The following DMWD variants were observed in gnomAD, a reference collection of about 807,000 sequenced individuals.
The protein encoded by DMWD is dystrophia myotonica WD repeat-containing protein.
In DMWD, 19 loss-of-function variants were observed where a neutral mutation model predicts 45.8. The ratio of observed to expected loss-of-function variants is 0.41; its 90% CI spans 0.29 to 0.61. DMWD has a LOEUF of 0.61. Among genes scored for constraint, DMWD ranks in the 20% least tolerant of loss-of-function variants. DMWD has a pLI of 0.25. For missense variants in DMWD, 802 were observed against 965.2 expected (o/e 0.83, Z 2.24); for synonymous variants, 515 against 440.5 (o/e 1.17, Z -2.12).
At position 45,783,532 on chromosome 19, in the gene DMWD, C is replaced by A; in HGVS notation, c.*711G>T. ...CCCCAAGAGGGTCCTGCTCCAGCCG[C>A]TGGTGTGGGTCACCAGTTGTGTGAC... On this transcript the variant is annotated 3_prime_UTR_variant, in exon 5 of 5. Coordinates refer to ENST00000270223, the MANE Select transcript of DMWD (RefSeq NM_004943.2). The A allele has an allele frequency of 2.5e-6, 1 of 398,652 alleles. No homozygotes were observed. Among genetic ancestry groups the A allele is most frequent in the Non-Finnish European group, 4.4e-6 (1 of 226,112 alleles). 24.7% of individuals were successfully genotyped at this position (398,652 alleles called of 1,614,324 possible). A position where few individuals can be genotyped will look rare whatever the true frequency, so the allele number is the denominator to read the frequency against.
intron 3 of DMWD, among the ~76,000 whole-genome samples, chr19:45,784,920 G>T (rs1052439353): frequency 6.6e-6 from 1 of 152,200 alleles, no homozygotes; most frequent in South Asian, 2.1e-4. Flanking sequence ...AGACACCCAA[G>T]ACGAGCTCCG....
Position 45,783,705 on chromosome 19 carries a change from TCTC to T in DMWD, c.*535_*537del, listed in dbSNP as rs1970217627. 4.7e-6 allele frequency: 2 copies of T among 426,570 alleles called. No individual in the cohort carries two copies. The highest frequency in any genetic ancestry group is 8.2e-6 in the Non-Finnish European group (2 of 244,690). The allele number at this position is 426,570 out of a possible 1,614,324, so 26.4% of individuals were successfully genotyped here. ...GTACACACACAGGTCCTCTACATCA[TCTC>T]CTCCGAAGGGGACAGACCCGCTGAG... On this transcript the variant is annotated 3_prime_UTR_variant, in exon 5 of 5. Transcript: ENST00000270223.
In DMWD at chr19:45,785,591, C is replaced by T. The variant is rs1028556794; in HGVS notation, c.1902+3G>A. On this transcript the variant is annotated splice_donor_region_variant and intron_variant, in intron 3 of 4. Transcript: ENST00000270223. ...CCCGGCAGGCTGGTGTGGGGCCACT[C>T]ACCGCCTTGCCCGGCCGGGCCCAGG... The T allele has an allele frequency of 1.4e-5, 20 of 1,480,892 alleles. No homozygotes were observed. The highest frequency in any genetic ancestry group is 1.8e-5 in the Non-Finnish European group (20 of 1,113,610). The allele number at this position is 1,480,892 out of a possible 1,614,324, so 91.7% of individuals were successfully genotyped here.
In DMWD at chr19:45,786,409, G is replaced by C; in HGVS notation, c.1087C>G (p.Arg363Gly). ...ACCCAGGACTTGTGGCCATGGCCTC[G>C]AGCCACCACGCGGCCCTCGGTGAAG... ...WSFTEGRVVA[R>G]GHGHKSWVNA... The change falls in exon 3 of 5, where the codon CGA becomes GGA. Residue 363 changes from arginine to glycine, a missense_variant. Arg to Gly is a moderately radical substitution (Grantham distance 125). This residue lies in a region of DMWD where 146 missense variants were observed against 212.8 expected (regional missense o/e 0.69). Coordinates refer to ENST00000270223, the MANE Select transcript of DMWD (RefSeq NM_004943.2). The C allele has an allele frequency of 2.5e-6, 4 of 1,613,298 alleles. No individual in the cohort carries two copies. The highest frequency in any genetic ancestry group is 3.4e-6 in the Non-Finnish European group (4 of 1,179,578).
rs187435252 is a variant in DMWD at position 45,788,799 on chromosome 19, C to A, written c.625-1928G>T. On this transcript the variant is annotated intron_variant, in intron 2 of 4. Coordinates refer to ENST00000270223, the MANE Select transcript of DMWD (RefSeq NM_004943.2). ...CAAAAGTTAGCCAGTTGTGGTGGTGCATGCATGTAGTCCCAGCTACTCAGG... is the reference window on the plus strand; with the variant it reads ...CAAAAGTTAGCCAGTTGTGGTGGTGAATGCATGTAGTCCCAGCTACTCAGG... Among the ~76,000 whole-genome samples the A allele has an allele frequency of 2.9e-3, 436 of 152,190 alleles. 1 individual carries two copies. The highest frequency in any genetic ancestry group is 9.8e-3 in the African/African-American group (407 of 41,514).
chr19:45,785,628 C>T lies in DMWD; in HGVS notation c.1868G>A (p.Gly623Asp). 1 of 1,532,600 alleles carries T rather than the reference C, an allele frequency of 6.5e-7. No homozygotes were observed. 94.9% of individuals were successfully genotyped at this position (1,532,600 alleles called of 1,614,324 possible). Reference sequence around the variant, plus strand: ...CGGCCGGGCCCAGGTGCAGATGAGGCCCTCCTGGCAGGCAGTGATGATGCA... The same window carrying T: ...CGGCCGGGCCCAGGTGCAGATGAGGTCCTCCTGGCAGGCAGTGATGATGCA... ...EDCIITACQE[G>D]LICTWARPGK... Residue 623 changes from glycine to aspartate, a missense_variant, in exon 3 of 5, where the codon GGC becomes GAC. By Grantham distance (94) the Gly-to-Asp change is moderately conservative (BLOSUM62 -1). Around this residue, in one of 9 missense-constraint regions of DMWD, gnomAD observed 303 missense variants for 332.9 expected, o/e 0.91. Transcript: ENST00000270223.
intron 4 of DMWD, 70 bp from the exon 5 acceptor site, chr19:45,784,360 G>A: frequency 6.9e-7 from 1 of 1,450,564 alleles, no homozygotes; most frequent in Non-Finnish European, 9.2e-7. Context: ...GTCAAGGGGA[G>A]GGAGCCAGCC....
chr19:45,792,763 C>T lies in DMWD; in HGVS notation c.-7G>A, dbSNP rs967431997. On this transcript the variant is annotated 5_prime_UTR_variant, in exon 1 of 5. Transcript: ENST00000270223. ...CCGCGCCGCCCGCCGCCATCTTGGGCGCCCCCCGGGCCCCGCCACTGCCGG... is the reference window on the plus strand; with the variant it reads ...CCGCGCCGCCCGCCGCCATCTTGGGTGCCCCCCGGGCCCCGCCACTGCCGG... The T allele has an allele frequency of 7.9e-5, 89 of 1,124,338 alleles. No individual in the cohort carries two copies. In the African/African-American group the frequency reaches 1.2e-3, roughly 15 times the overall value. The allele number at this position is 1,124,338 out of a possible 1,614,324, so 69.6% of individuals were successfully genotyped here. A position where few individuals can be genotyped will look rare whatever the true frequency, so the allele number is the denominator to read the frequency against.
Position 45,784,209 on chromosome 19 carries a change from G to C in DMWD, c.*34C>G. 1 of 1,571,482 alleles carries C rather than the reference G, an allele frequency of 6.4e-7. No individual in the cohort carries two copies. On this transcript the variant is annotated 3_prime_UTR_variant, in exon 5 of 5. Coordinates refer to ENST00000270223, the MANE Select transcript of DMWD (RefSeq NM_004943.2). ...GGAGGGTTATGGCTAGGAGGCTGGGGGCATGGGGTTGGGGGGGCCCGATAT... is the reference window on the plus strand; with the variant it reads ...GGAGGGTTATGGCTAGGAGGCTGGGCGCATGGGGTTGGGGGGGCCCGATAT...
chr19:45,788,388 T>C (rs1970310603), intron 2 of DMWD, among the ~76,000 whole-genome samples: 1 of 152,228 alleles, frequency 6.6e-6, no homozygotes, highest in Non-Finnish European at 1.5e-5. Flanking sequence ...CTGGGAGAAC[T>C]GAACAAATAA....
rs1600463227 is a variant in DMWD, at chr19:45,786,684, T to C, written c.812A>G (p.Lys271Arg). 6.2e-7 allele frequency: 1 copy of C among 1,610,928 alleles called. No homozygotes were observed. Among genetic ancestry groups the C allele is most frequent in the Non-Finnish European group, 8.5e-7 (1 of 1,177,538 alleles). ...EGFSVYAAKS[K>R]APRNPLAKWA... is the part of the protein sequence containing the mutation. Reference sequence around the variant, plus strand: ...CTTGGCCAGCGGGTTGCGGGGTGCCTTGCTCTTGGCAGCATAGACAGAGAA... The same window carrying C: ...CTTGGCCAGCGGGTTGCGGGGTGCCCTGCTCTTGGCAGCATAGACAGAGAA... The change falls in exon 3 of 5, where the codon AAG becomes AGG. Residue 271 changes from lysine (K) to arginine (R), a missense_variant. By Grantham distance (26) the Lys-to-Arg change is conservative. Transcript: ENST00000270223.
chr19:45,789,434 G>A (rs1421829387), intron 2 of DMWD: 3 of 152,254 alleles, frequency 2.0e-5, no homozygotes, highest in African/African-American at 7.2e-5. Flanking sequence ...CTCCTCGTAG[G>A]CCAAGTTGGC....
In DMWD at chr19:45,785,831, G is replaced by A. The variant is rs61738390; in HGVS notation, c.1665C>T (p.Gly555=). The change falls in exon 3 of 5, where the codon GGC becomes GGT. Residue 555 remains glycine (G), a synonymous_variant. Coordinates refer to ENST00000270223, the MANE Select transcript of DMWD (RefSeq NM_004943.2). ...GCTTCTCCCCACCACTGCCACTGCCGCCACTGCCACCCCGGCTGATGTTGC... is the reference window on the plus strand; with the variant it reads ...GCTTCTCCCCACCACTGCCACTGCCACCACTGCCACCCCGGCTGATGTTGC... The part of the protein sequence containing the change: ...SLGNISRGGS[G]GSGSGGEKPS... 4.7e-4 allele frequency: 750 copies of A among 1,610,762 alleles called. 3 individuals carry two copies. Among genetic ancestry groups the A allele is most frequent in the Middle Eastern group, 1.6e-4 (1 of 6,084 alleles).
chr19:45,785,553 G>C (rs753566101), intron 3 of DMWD, 41 bp downstream of exon 3: 2 of 1,440,400 alleles, frequency 1.4e-6, no homozygotes, highest in Admixed American at 2.9e-5. Flanking sequence ...CCCACGAAAG[G>C]TCCTGCCAGG....
intron 3 of DMWD, chr19:45,785,309 A>G: frequency 8.4e-7 from 1 of 1,197,114 alleles, no homozygotes; most frequent in Non-Finnish European, 1.0e-6. Context: ...AGACCTGGCC[A>G]TGTGGGGCCC....
chr19:45,792,653 A>G lies in DMWD; in HGVS notation c.104T>C (p.Leu35Pro). ...QFRTREGFYK[L>P]LPGDGAARRS... ...GCGAGCGGCGCCGTCGCCCGGGAGT[A>G]GCTTGTAGAAACCCTCGCGCGTGCG... Residue 35 changes from leucine (L) to proline (P), a missense_variant, in exon 1 of 5, where the codon CTA becomes CCA. This residue lies in a region of DMWD where 151 missense variants were observed against 128.1 expected (regional missense o/e 1.18). Transcript: ENST00000270223. 2 of 1,331,536 alleles carry G rather than the reference A, an allele frequency of 1.5e-6. No homozygotes were observed. Among genetic ancestry groups the G allele is most frequent in the Non-Finnish European group, 9.8e-7 (1 of 1,025,298 alleles). 82.5% of individuals were successfully genotyped at this position (1,331,536 alleles called of 1,614,324 possible).
chr19:45,787,591 C>T (rs138980110), intron 2 of DMWD, among the ~76,000 whole-genome samples: 8 of 152,300 alleles, frequency 5.3e-5, no homozygotes, highest in South Asian at 4.1e-4. Flanking sequence ...CCAAAGGAAG[C>T]GATCTTTGTT....
intron 2 of DMWD, chr19:45,789,890 C>A (rs1220937336): frequency 6.6e-6 from 1 of 152,326 alleles, no homozygotes; most frequent in African/African-American, 2.4e-5. Context: ...GTGGCTCACG[C>A]CTTTAATTCC....
At position 45,791,079 on chromosome 19, in the gene DMWD, G is replaced by T. The variant is rs1446228827; in HGVS notation, c.450C>A (p.Asp150Glu). 4 of 1,610,042 alleles carry T rather than the reference G, an allele frequency of 2.5e-6. No homozygotes were observed. The African/African-American group carries it at 5.4e-5, about 22-fold the overall frequency. ...TCCGCTTGTCAATTGGCTTGTTGAG[G>T]TCAATGGACTTGAGGGGTGGGAGAA... ...CCRRGSQRSI[D>E]LNKPIDKRIY... The change falls in exon 2 of 5, where the codon GAC (aspartate) becomes GAA (glutamate). Residue 150 changes from aspartate (D) to glutamate (E), a missense_variant. By Grantham distance (45) the Asp-to-Glu change is conservative. Around this residue, in one of 9 missense-constraint regions of DMWD, gnomAD observed 82 missense variants for 92.9 expected, o/e 0.88. Transcript: ENST00000270223.
Sources: gnomAD v4.1 joint callset for allele counts (sites outside exome capture counted in the v4.1 genomes callset) on GRCh38, gnomAD v4.1.1 for gene constraint, gnomAD v4.1.1 regional missense constraint, MANE v1.5 for transcripts, NCBI Gene and HGNC (gene_info 2026-07-23, HGNC 2026-07-21) for gene names.